Variants in SGIP1 observed in about 807,000 individuals in gnomAD.
The protein encoded by SGIP1 is SH3GL interacting endocytic adaptor 1.
SGIP1 carries 38 observed loss-of-function variants against 107.5 expected under a neutral mutation model. The ratio of observed to expected loss-of-function variants is 0.35; its 90% CI spans 0.27 to 0.46. The LOEUF (loss-of-function observed/expected upper bound fraction) is 0.46. Ranked by LOEUF, SGIP1 falls within the 20% of genes least tolerant of loss-of-function variation. The pLI, the probability that SGIP1 is intolerant of heterozygous loss-of-function variation, is 1.00. For synonymous variants in SGIP1, 365 were observed against 366.1 expected (o/e 1.00, Z 0.03); for missense variants, 929 against 1,019.5 (o/e 0.91, Z 1.21).
At chr1:66,537,746 C>A (rs1036184806) in intron 1 of SGIP1, among the ~76,000 whole-genome samples, 2 of 151,964 alleles carry the variant, frequency 1.3e-5, no homozygotes, top group East Asian at 3.8e-4. Context: ...ATATTTACTA[C>A]TCATAATAAC....
chr1:66,687,059 T>G (rs1043928049), intron 15 of SGIP1, among the ~76,000 whole-genome samples: 1 of 152,208 alleles, frequency 6.6e-6, no homozygotes, highest in African/African-American at 2.4e-5. Flanking sequence ...TCCAGTGTTT[T>G]TCAATATTCC....
chr1:66,562,991 AT>A (rs2059165017), intron 1 of SGIP1, among the ~76,000 whole-genome samples: 1 of 152,002 alleles, frequency 6.6e-6, no homozygotes, highest in Non-Finnish European at 1.5e-5. Flanking sequence ...GTTAAAATCT[AT>A]TACTCACACT....
At chr1:66,733,606 A>T in intron 20 of SGIP1, 142 bp from the exon 21 acceptor site, 3 of 811,118 alleles carry the variant, frequency 3.7e-6, no homozygotes, top group Non-Finnish European at 5.7e-6. Context: ...AAACCACACT[A>T]CTGTTAATAG....
intron 18 of SGIP1, among the ~76,000 whole-genome samples, chr1:66,700,568 A>G (rs946012794): frequency 6.6e-6 from 1 of 152,122 alleles, no homozygotes; most frequent in Non-Finnish European, 1.5e-5. Flanking sequence ...ATGACAGCTA[A>G]TAATTGTCCT....
chr1:66,647,745 G>C (rs1383353656), intron 7 of SGIP1, among the ~76,000 whole-genome samples: 2 of 152,150 alleles, frequency 1.3e-5, no homozygotes, highest in East Asian at 3.8e-4. Flanking sequence ...GTTGAACAGA[G>C]ACACTCCAGT....
chr1:66,736,916 T>C (rs927018253), intron 21 of SGIP1, among the ~76,000 whole-genome samples: 3 of 152,110 alleles, frequency 2.0e-5, no homozygotes, highest in African/African-American at 7.2e-5. Flanking sequence ...TGCAAAAGAA[T>C]ATAATTTTTT....
intron 2 of SGIP1, among the ~76,000 whole-genome samples, chr1:66,631,583 A>T (rs534744469): frequency 3.9e-5 from 6 of 152,120 alleles, no homozygotes; most frequent in Admixed American, 2.0e-4. Flanking sequence ...GCTAATTTTG[A>T]AGGGATGTTG....
At chr1:66,597,921 C>T (rs2065030208) in intron 1 of SGIP1, among the ~76,000 whole-genome samples, 2 of 152,020 alleles carry the variant, frequency 1.3e-5, no homozygotes, top group South Asian at 4.1e-4. Context: ...TAAAATACAA[C>T]ATTACTGAAA....
intron 2 of SGIP1, chr1:66,628,467 C>T (rs547809081): frequency 6.5e-6 from 1 of 154,868 alleles, no homozygotes; most frequent in East Asian, 1.9e-4. Flanking sequence ...CTATACGAGT[C>T]ATATAAGGGA....
intron 1 of SGIP1, among the ~76,000 whole-genome samples, chr1:66,587,700 T>A (rs752426659): frequency 6.6e-6 from 1 of 152,146 alleles, no homozygotes; most frequent in Non-Finnish European, 1.5e-5. Context: ...TAACAAATTC[T>A]GGGGAGTCAT....
At chr1:66,636,558 A>G (rs532729691) in intron 4 of SGIP1, among the ~76,000 whole-genome samples, 6 of 152,314 alleles carry the variant, frequency 3.9e-5, no homozygotes, top group Admixed American at 1.3e-4. Flanking sequence ...CCTCAGTTGC[A>G]CTTGACACAT....
intron 19 of SGIP1, among the ~76,000 whole-genome samples, chr1:66,728,652 G>T (rs186526658): frequency 2.0e-5 from 3 of 152,182 alleles, no homozygotes; most frequent in Admixed American, 2.0e-4. Flanking sequence ...CACATGCATT[G>T]GTATGTTCAT....
chr1:66,549,190 CCTT>C (rs377520261), intron 1 of SGIP1, among the ~76,000 whole-genome samples: 4 of 143,590 alleles, frequency 2.8e-5, no homozygotes, highest in Non-Finnish European at 6.1e-5. Context: ...TTCCTTCCTT[CCTT>C]CCTTCCCTTC....
chr1:66,592,894 CTTCTTT>C (rs2063894058), intron 1 of SGIP1, among the ~76,000 whole-genome samples: 1 of 94,162 alleles, frequency 1.1e-5, no homozygotes, highest in African/African-American at 4.2e-5. Context: ...CTTTCTTCTT[CTTCTTT>C]TTTTTTTTTT....
chr1:66,534,600 G>A (rs548503433), intron 1 of SGIP1, among the ~76,000 whole-genome samples: 1 of 152,204 alleles, frequency 6.6e-6, no homozygotes, highest in Non-Finnish European at 1.5e-5. Flanking sequence ...CTTTGAGAGA[G>A]AAAAGCCTAA....
intron 1 of SGIP1, among the ~76,000 whole-genome samples, chr1:66,570,099 C>T (rs749889328): frequency 5.3e-5 from 8 of 151,520 alleles, no homozygotes; most frequent in East Asian, 1.9e-4. Context: ...TAGTAATTTA[C>T]GATGTCTCTC....
intron 1 of SGIP1, among the ~76,000 whole-genome samples, chr1:66,534,677 A>G (rs569809513): frequency 7.0e-4 from 107 of 152,320 alleles, no homozygotes; most frequent in Admixed American, 2.0e-3. Flanking sequence ...GGGCGAGAAG[A>G]TAAGGTTTTC....
Position 66,748,638 on chromosome 1 carries a change from A to G in SGIP1, c.*5543A>G, listed in dbSNP as rs750123877. Reference sequence around the variant, plus strand: ...GAGTAATACCTTGCCTACCTTAAATACATCTTTATCCTTGTAAAAAATGTT... The same window carrying G: ...GAGTAATACCTTGCCTACCTTAAATGCATCTTTATCCTTGTAAAAAATGTT... On this transcript the variant is annotated 3_prime_UTR_variant, in exon 25 of 25. Transcript: ENST00000371037. Among the ~76,000 whole-genome samples the G allele has an allele frequency of 1.2e-4, 19 of 152,008 alleles. No homozygotes were observed. Among genetic ancestry groups the G allele is most frequent in the Non-Finnish European group, 1.9e-4 (13 of 67,876 alleles).
chr1:66,616,255 T>G (rs1164795807), intron 1 of SGIP1: 1 of 152,172 alleles, frequency 6.6e-6, no homozygotes, highest in Non-Finnish European at 1.5e-5. Flanking sequence ...ATTTTCAAAT[T>G]TTGATGATTT....
Sources: gnomAD v4.1 joint callset for allele counts (sites outside exome capture counted in the v4.1 genomes callset) on GRCh38, gnomAD v4.1.1 for gene constraint, MANE v1.5 for transcripts, NCBI Gene and HGNC (gene_info 2026-07-23, HGNC 2026-07-21) for gene names.